GRM7: variants seen among roughly 807,000 people sequenced by gnomAD.
GRM7 encodes the protein glutamate metabotropic receptor 7.
Under a neutral mutation model 84.5 loss-of-function variants are expected in GRM7, and 35 were observed. The observed-to-expected ratio is 0.41, with a 90% confidence interval of 0.32 to 0.55. The LOEUF (loss-of-function observed/expected upper bound fraction) is 0.55, where lower values mean the gene tolerates loss of function less well. Among genes scored for constraint, GRM7 ranks in the 20% least tolerant of loss-of-function variants. The pLI, the probability that GRM7 is intolerant of heterozygous loss-of-function variation, is 0.19. For missense variants in GRM7, 1,003 were observed against 1,194.6 expected, an observed-to-expected ratio of 0.84 and a Z score of 2.36; for synonymous variants, 487 against 455.1, an observed-to-expected ratio of 1.07 and a Z score of -0.89.
chr3:7,091,078 T>A (rs1462588104), intron 1 of GRM7, among the ~76,000 whole-genome samples: 1 of 152,176 alleles, frequency 6.6e-6, no homozygotes, highest in African/African-American at 2.4e-5. Flanking sequence ...CTTTCTACTT[T>A]GGAAAATTAT....
chr3:7,216,045 G>T (rs1452300214), intron 2 of GRM7, among the ~76,000 whole-genome samples: 9 of 152,072 alleles, frequency 5.9e-5, no homozygotes, highest in African/African-American at 1.9e-4. Context: ...TTATGTAAAA[G>T]TTTCAATTTT....
intron 4 of GRM7, among the ~76,000 whole-genome samples, chr3:7,341,715 A>G (rs962027813): frequency 2.0e-5 from 3 of 152,144 alleles, no homozygotes; most frequent in African/African-American, 7.2e-5. Flanking sequence ...GTAATGAACT[A>G]TTATTGGGTG....
intron 2 of GRM7, among the ~76,000 whole-genome samples, chr3:7,187,250 G>T (rs371472078): frequency 1.1e-4 from 17 of 151,810 alleles, no homozygotes; most frequent in African/African-American, 3.4e-4. Context: ...TCTCTAGCTC[G>T]CAACAAGATG....
At chr3:7,555,226 T>C (rs1228202270) in intron 7 of GRM7, among the ~76,000 whole-genome samples, 1 of 152,194 alleles carries the variant, frequency 6.6e-6, no homozygotes, top group African/African-American at 2.4e-5. Context: ...ACCATTACTG[T>C]TAAATTATTA....
intron 7 of GRM7, among the ~76,000 whole-genome samples, chr3:7,506,557 G>T (rs935315671): frequency 6.6e-6 from 1 of 152,132 alleles, no homozygotes; most frequent in African/African-American, 2.4e-5. Flanking sequence ...GTTGCTATAA[G>T]AAATTACAGA....
intron 1 of GRM7, among the ~76,000 whole-genome samples, chr3:7,003,156 A>G (rs1695072382): frequency 6.6e-6 from 1 of 152,176 alleles, no homozygotes; most frequent in Non-Finnish European, 1.5e-5. Flanking sequence ...AAGGAACACA[A>G]TTTAGTGATC....
At chr3:7,266,459 G>A (rs569560345) in intron 2 of GRM7, among the ~76,000 whole-genome samples, 12 of 152,250 alleles carry the variant, frequency 7.9e-5, no homozygotes, top group African/African-American at 2.4e-4. Context: ...GGCCACTCAA[G>A]TGACATCAGA....
At chr3:6,880,338 C>A (rs1465107059) in intron 1 of GRM7, among the ~76,000 whole-genome samples, 1 of 152,098 alleles carries the variant, frequency 6.6e-6, no homozygotes, top group African/African-American at 2.4e-5. Context: ...CCCTAGAGAG[C>A]CTCTTTCTTC....
chr3:7,057,770 C>T (rs1471591869), intron 1 of GRM7, among the ~76,000 whole-genome samples: 11 of 151,874 alleles, frequency 7.2e-5, no homozygotes, highest in Admixed American at 6.6e-4. Flanking sequence ...ATGCTTGTGA[C>T]TACCTTGGGA....
intron 7 of GRM7, among the ~76,000 whole-genome samples, chr3:7,462,685 G>A (rs1018219736): frequency 6.6e-6 from 1 of 152,158 alleles, no homozygotes; most frequent in East Asian, 1.9e-4. Flanking sequence ...TATTCACATA[G>A]GGAGCCGTGA....
At chr3:7,305,610 TTCTTG>T (rs1340153804) in intron 3 of GRM7, among the ~76,000 whole-genome samples, 9 of 60,748 alleles carry the variant, frequency 1.5e-4, no homozygotes, top group Admixed American at 3.1e-4. Context: ...TGGTTTTTTG[TTCTTG>T]CGATAGTTTA....
intron 4 of GRM7, among the ~76,000 whole-genome samples, chr3:7,313,783 T>C (rs981823505): frequency 4.6e-5 from 7 of 152,122 alleles, no homozygotes; most frequent in Non-Finnish European, 2.9e-5. Context: ...GCGTTTTTTA[T>C]AGAAATTATG....
intron 8 of GRM7, among the ~76,000 whole-genome samples, chr3:7,660,850 C>T (rs1201491835): frequency 5.2e-5 from 7 of 135,694 alleles, no homozygotes; most frequent in Admixed American, 7.5e-5. Flanking sequence ...TTGGCAAAGG[C>T]AGAAGGGCAA....
rs114769277 is a variant in GRM7 at position 7,264,627 on chromosome 3, G to C, written c.737-34057G>C. Among the ~76,000 whole-genome samples the C allele has an allele frequency of 3.2e-3, 482 of 151,996 alleles. 4 individuals are homozygous for C. The highest frequency in any genetic ancestry group is 5.4e-3 in the Non-Finnish European group (366 of 68,004). On this transcript the variant is annotated intron_variant, in intron 2 of 9. Transcript: ENST00000357716. ...CATCTACTCTCAATGTCTTCCCTCT[G>C]AATATCTGCTAGGAGTGCACCGGTA... is the stretch of plus-strand genomic sequence containing the variant.
At chr3:7,136,644 G>T (rs566197515) in intron 1 of GRM7, among the ~76,000 whole-genome samples, 1 of 152,086 alleles carries the variant, frequency 6.6e-6, no homozygotes, top group South Asian at 2.1e-4. Flanking sequence ...AATACTGTGA[G>T]TGTCTCTGGC....
intron 1 of GRM7, among the ~76,000 whole-genome samples, chr3:7,093,825 G>A (rs1698760592): frequency 6.6e-6 from 1 of 150,898 alleles, no homozygotes; most frequent in African/African-American, 2.4e-5. Context: ...TTACTATGTA[G>A]TGGAAGCTTT....
rs113221846 is a variant in GRM7, at chr3:7,054,984, C to T, written c.520-91468C>T. Among the ~76,000 whole-genome samples, 1,137 of 152,046 alleles carry T rather than the reference C, an allele frequency of 7.5e-3. 3 individuals carry two copies. Among genetic ancestry groups the T allele is most frequent in the African/African-American group, 0.013 (532 of 41,516 alleles). Reference sequence around the variant, plus strand: ...TCTAATTTGTTTTCCTGGAAATATACGTATGTTCCAGTTTTCCCGTTGCTT... The same window carrying T: ...TCTAATTTGTTTTCCTGGAAATATATGTATGTTCCAGTTTTCCCGTTGCTT... On this transcript the variant is annotated intron_variant, in intron 1 of 9. Transcript: ENST00000357716.
chr3:7,592,160 G>A (rs975032012), intron 8 of GRM7, among the ~76,000 whole-genome samples: 2 of 152,030 alleles, frequency 1.3e-5, no homozygotes, highest in Admixed American at 6.6e-5. Context: ...GCATGAGCAA[G>A]CAAAAGAGAT....
intron 2 of GRM7, among the ~76,000 whole-genome samples, chr3:7,276,669 G>C (rs537873812): frequency 4.7e-4 from 72 of 151,996 alleles, no homozygotes; most frequent in Non-Finnish European, 8.5e-4. Flanking sequence ...AATGATGTCA[G>C]ATGATTACTA....
Sources: allele counts gnomAD v4.1 joint callset (sites outside exome capture counted in the v4.1 genomes callset), GRCh38; gene constraint gnomAD v4.1.1; transcripts MANE v1.5; gene names NCBI Gene and HGNC (gene_info 2026-07-23, HGNC 2026-07-21).